NRG1: variants seen among roughly 807,000 people sequenced by gnomAD.
The protein encoded by NRG1 is neuregulin 1, also known as pro-neuregulin-1, membrane-bound isoform.
In NRG1, 18 loss-of-function variants were observed where a neutral mutation model predicts 63.8. The ratio of observed to expected loss-of-function variants is 0.28; its 90% CI spans 0.19 to 0.42. The LOEUF (loss-of-function observed/expected upper bound fraction) is 0.42, where lower values mean the gene tolerates loss of function less well. Ranked by LOEUF, NRG1 falls within the 10% of genes least tolerant of loss-of-function variation. The pLI is 1.00. For missense variants in NRG1, 762 were observed against 814.7 expected (o/e 0.94, Z 0.79); for synonymous variants, 302 against 301.3 (o/e 1.00, Z -0.02).
At chr8:31,794,657 G>A (rs1432376489) in intron 1 of NRG1, among the ~76,000 whole-genome samples, 1 of 151,624 alleles carries the variant, frequency 6.6e-6, no homozygotes, top group Non-Finnish European at 1.5e-5. Flanking sequence ...TAGAGTTATT[G>A]TTACTTTATA....
At chr8:32,537,327 C>T (rs1017022461) in intron 1 of NRG1, among the ~76,000 whole-genome samples, 1 of 151,922 alleles carries the variant, frequency 6.6e-6, no homozygotes, top group African/African-American at 2.4e-5. Flanking sequence ...TCATTGTCTT[C>T]CATCCTACAG....
intron 1 of NRG1, among the ~76,000 whole-genome samples, chr8:31,789,514 G>T (rs555649407): frequency 6.6e-6 from 1 of 152,010 alleles, no homozygotes; most frequent in African/African-American, 2.4e-5. Context: ...ACACGTGGAG[G>T]ATACTAGAGG....
chr8:32,509,665 G>C (rs556191743), intron 1 of NRG1, among the ~76,000 whole-genome samples: 3 of 152,254 alleles, frequency 2.0e-5, no homozygotes, highest in Non-Finnish European at 2.9e-5. Flanking sequence ...ATAGAGAAAA[G>C]AGACAGCAGA....
chr8:32,285,882 A>G (rs1853463174), intron 1 of NRG1, among the ~76,000 whole-genome samples: 1 of 152,172 alleles, frequency 6.6e-6, no homozygotes, highest in African/African-American at 2.4e-5. Context: ...AGTGAAAAAA[A>G]GGCAAGTTAA....
chr8:32,229,990 C>A (rs1030779563), intron 1 of NRG1, among the ~76,000 whole-genome samples: 4 of 152,078 alleles, frequency 2.6e-5, no homozygotes, highest in African/African-American at 9.7e-5. Flanking sequence ...CCTAAACACT[C>A]CCCAACCCCA....
chr8:32,291,999 T>C (rs1396237243), intron 1 of NRG1, among the ~76,000 whole-genome samples: 3 of 152,180 alleles, frequency 2.0e-5, no homozygotes, highest in Non-Finnish European at 4.4e-5. Flanking sequence ...TTTAGAGGTG[T>C]TGGTATCCTC....
At chr8:31,855,456 A>G (rs1827754509) in intron 1 of NRG1, among the ~76,000 whole-genome samples, 1 of 151,378 alleles carries the variant, frequency 6.6e-6, no homozygotes, top group African/African-American at 2.4e-5. Context: ...TTTGTTTCCC[A>G]TTTGCTTGGT....
intron 5 of NRG1, among the ~76,000 whole-genome samples, chr8:32,677,218 C>T (rs556121790): frequency 1.9e-4 from 29 of 152,262 alleles, no homozygotes; most frequent in Non-Finnish European, 3.2e-4. Context: ...TTTAAGTTGA[C>T]TCTTTCCCAA....
intron 1 of NRG1, among the ~76,000 whole-genome samples, chr8:31,856,574 C>A (rs187065163): frequency 2.0e-5 from 3 of 152,180 alleles, no homozygotes; most frequent in African/African-American, 7.2e-5. Flanking sequence ...TCCCGTAGCT[C>A]GGAGTAATTT....
chr8:32,228,161 A>C (rs1825146), intron 1 of NRG1, among the ~76,000 whole-genome samples: 69,733 of 152,080 alleles, frequency 0.46, 19,471 homozygotes, highest in Admixed American at 0.63. Context: ...TCTTGGTATT[A>C]GTTAATTGAT....
chr8:32,519,923 C>G (rs1051707680), intron 1 of NRG1, among the ~76,000 whole-genome samples: 1 of 152,086 alleles, frequency 6.6e-6, no homozygotes, highest in African/African-American at 2.4e-5. Flanking sequence ...TAGATTTTCA[C>G]CTAAATTTCT....
At chr8:32,366,282 T>C (rs1252861928) in intron 1 of NRG1, among the ~76,000 whole-genome samples, 1 of 152,168 alleles carries the variant, frequency 6.6e-6, no homozygotes, top group Non-Finnish European at 1.5e-5. Flanking sequence ...TATTGAATAC[T>C]AGAGCTTGTT....
chr8:32,143,307 A>G (rs1439145803), intron 1 of NRG1, among the ~76,000 whole-genome samples: 2 of 152,186 alleles, frequency 1.3e-5, no homozygotes, highest in African/African-American at 4.8e-5. Context: ...AATATAATAT[A>G]GAATGTATGA....
intron 1 of NRG1, among the ~76,000 whole-genome samples, chr8:32,186,282 T>C (rs954593548): frequency 2.0e-5 from 3 of 151,832 alleles, no homozygotes; most frequent in African/African-American, 7.3e-5. Context: ...GCTAACACAG[T>C]GAAACCCCAT....
intron 2 of NRG1, among the ~76,000 whole-genome samples, chr8:32,599,151 T>C (rs922197413): frequency 6.6e-6 from 1 of 152,114 alleles, no homozygotes; most frequent in African/African-American, 2.4e-5. Flanking sequence ...ATTCTTATTT[T>C]TCAGATGCAT....
chr8:32,484,983 G>A lies in NRG1; in HGVS notation c.38-110845G>A, dbSNP rs527333153. Among the ~76,000 whole-genome samples, 4 of 152,294 alleles carry A rather than the reference G, an allele frequency of 2.6e-5. No individual in the cohort carries two copies. The East Asian group carries it at 7.7e-4, about 29-fold the overall frequency. On this transcript the variant is annotated intron_variant, in intron 1 of 10. Transcript: ENST00000519301. ...AACCTCCCATTCAGAGAATTCTTGTGCAAAGAAGGATTCCAAAGGGTTTCA... is the reference window on the plus strand; with the variant it reads ...AACCTCCCATTCAGAGAATTCTTGTACAAAGAAGGATTCCAAAGGGTTTCA...
At chr8:32,461,299 C>T (rs964545122) in intron 1 of NRG1, among the ~76,000 whole-genome samples, 2 of 152,294 alleles carry the variant, frequency 1.3e-5, no homozygotes, top group South Asian at 2.1e-4. Context: ...ATCTCAATCA[C>T]AGTCTATGAA....
At chr8:31,667,973 GAAAAAATAAAATGATGGGGTT>G (rs1478718283) in intron 1 of NRG1, among the ~76,000 whole-genome samples, 2 of 152,004 alleles carry the variant, frequency 1.3e-5, no homozygotes, top group Non-Finnish European at 2.9e-5. Context: ...AAAGATGTTA[GAAAAAATAAAATGATGGGGTT>G]AAAAATCAAC....
chr8:31,920,312 A>T (rs1256290052), intron 1 of NRG1, among the ~76,000 whole-genome samples: 1 of 152,144 alleles, frequency 6.6e-6, no homozygotes, highest in Admixed American at 6.6e-5. Context: ...TTAAAAAAAA[A>T]AGATGTATCT....
Sources: gnomAD v4.1 joint callset for allele counts (sites outside exome capture counted in the v4.1 genomes callset) on GRCh38, gnomAD v4.1.1 for gene constraint, MANE v1.5 for transcripts, NCBI Gene and HGNC (gene_info 2026-07-23, HGNC 2026-07-21) for gene names.